The following NEMP2 variants were observed in gnomAD, a reference collection of about 807,000 sequenced individuals.
The protein encoded by NEMP2 is nuclear envelope integral membrane protein 2.
A neutral mutation model predicts 54.2 loss-of-function variants in NEMP2; 53 were observed. That is an observed-to-expected ratio of 0.98 (90% confidence interval 0.78 to 1.23). The LOEUF (loss-of-function observed/expected upper bound fraction) is 1.23, where lower values mean the gene tolerates loss of function less well. Among genes scored for constraint, NEMP2 ranks in the 50% most tolerant of loss-of-function variants. The pLI is 0.00. For missense variants in NEMP2, 455 were observed against 511.3 expected (o/e 0.89, Z 1.06); for synonymous variants, 197 against 190.3 (o/e 1.04, Z -0.29).
the NEMP2 span, among the ~76,000 whole-genome samples, chr2:190,621,312 T>C: frequency 2.0e-5 from 3 of 152,256 alleles, no homozygotes; most frequent in African/African-American, 7.2e-5. Flanking sequence ...TGTTACTGCA[T>C]TGAATACTGT....
chr2:190,621,597 G>GT, the NEMP2 span, among the ~76,000 whole-genome samples: 1,259 of 143,818 alleles, frequency 8.8e-3, 6 homozygotes, highest in African/African-American at 0.018. Context: ...CTGTCTTTGG[G>GT]TTTTTTTTTT....
the NEMP2 span, chr2:190,609,731 A>G: frequency 6.6e-6 from 1 of 152,116 alleles, no homozygotes; most frequent in African/African-American, 2.4e-5. The surrounding 1 kb of genome is among the most constrained non-coding windows in gnomAD (Gnocchi z 4.7). Flanking sequence ...TCATGCTTGT[A>G]TATTTATTTA....
chr2:190,523,560 GATGA>G lies in NEMP2; in HGVS notation c.213+1699_213+1702del, dbSNP rs1263844852. ...CGTGTGTATGTGTTTGTACACACAT[GATGA>G]TATGCTAGTAGCAATGAACACACCT... is the stretch of plus-strand genomic sequence containing the variant. On this transcript the variant is annotated intron_variant, in intron 2 of 8. Coordinates refer to ENST00000409150, the MANE Select transcript of NEMP2 (RefSeq NM_001142645.2). This position sits in a 1 kb window ranked among gnomAD's most constrained non-coding sequence, Gnocchi z 5.3. 1.2e-4 allele frequency among the ~76,000 whole-genome samples: 19 copies of G among 152,164 alleles called. No individual in the cohort carries two copies. Among genetic ancestry groups the G allele is most frequent in the African/African-American group, 4.6e-4 (19 of 41,426 alleles).
At chr2:190,465,487 C>T in the NEMP2 span, among the ~76,000 whole-genome samples, 1 of 151,764 alleles carries the variant, frequency 6.6e-6, no homozygotes, top group African/African-American at 2.4e-5. This position sits in a 1 kb window ranked among gnomAD's most constrained non-coding sequence, Gnocchi z 4.6. Context: ...GATTATACAT[C>T]AGTAATCTTA....
the NEMP2 span, among the ~76,000 whole-genome samples, chr2:190,496,841 A>G: frequency 4.3e-4 from 66 of 152,360 alleles, no homozygotes; most frequent in Admixed American, 9.8e-4. This position sits in a 1 kb window ranked among gnomAD's most constrained non-coding sequence, Gnocchi z 4.7. Context: ...ATTCTCACTC[A>G]TAAGTGGGAG....
chr2:190,473,542 C>A, the NEMP2 span, among the ~76,000 whole-genome samples: 4 of 152,234 alleles, frequency 2.6e-5, no homozygotes, highest in South Asian at 4.1e-4. Context: ...TATATATGCA[C>A]CCAATACAGG....
chr2:190,622,199 TCAAGACCAGCTGGGCAACATAG>T, the NEMP2 span, among the ~76,000 whole-genome samples: 1 of 152,044 alleles, frequency 6.6e-6, no homozygotes, highest in East Asian at 1.9e-4. Flanking sequence ...AGCCAGGAAT[TCAAGACCAGCTGGGCAACATAG>T]CAAGATCCTG....
At chr2:190,453,001 C>G in the NEMP2 span, among the ~76,000 whole-genome samples, 7 of 152,080 alleles carry the variant, frequency 4.6e-5, no homozygotes, top group Admixed American at 3.3e-4. Context: ...AGTGATTGTT[C>G]TAGGGTTGCA....
At chr2:190,580,023 T>C in the NEMP2 span, among the ~76,000 whole-genome samples, 1 of 152,212 alleles carries the variant, frequency 6.6e-6, no homozygotes, top group African/African-American at 2.4e-5. This position sits in a 1 kb window ranked among gnomAD's most constrained non-coding sequence, Gnocchi z 5.3. Flanking sequence ...TGAGTCTTAG[T>C]GTTCTCATTC....
chr2:190,578,601 A>G, the NEMP2 span, among the ~76,000 whole-genome samples: 12 of 152,262 alleles, frequency 7.9e-5, no homozygotes, highest in African/African-American at 2.6e-4. The surrounding 1 kb of genome is among the most constrained non-coding windows in gnomAD (Gnocchi z 4.4). Flanking sequence ...GAGAAGACTG[A>G]GGGCATGAGA....
the NEMP2 span, among the ~76,000 whole-genome samples, chr2:190,637,170 T>C: frequency 6.6e-6 from 1 of 152,216 alleles, no homozygotes; most frequent in Non-Finnish European, 1.5e-5. This position sits in a 1 kb window ranked among gnomAD's most constrained non-coding sequence, Gnocchi z 4.5. Context: ...TTGAGAAGTA[T>C]AGTGTACAGT....
Position 190,517,589 on chromosome 2 carries a change from C to T in NEMP2, c.543G>A (p.Ser181=), listed in dbSNP as rs576233771. Residue 181 remains serine (S), a synonymous_variant, in exon 5 of 9, where the codon TCG becomes TCA. Transcript: ENST00000409150. ...LSQSPTFYYS[S]GTVLGVLMTL... is the part of the protein sequence containing the mutation. ...TCATTAGAACACCTAGCACAGTTCC[C>T]GAGGAGTAATAGAAAGTAGGGCTTC... 7.7e-5 allele frequency: 119 copies of T among 1,548,832 alleles called. No homozygotes were observed. Among genetic ancestry groups the T allele is most frequent in the Non-Finnish European group, 9.5e-5 (109 of 1,145,982 alleles).
rs1462442868 is a variant in NEMP2 at position 190,517,543 on chromosome 2, A to G, written c.589T>C (p.Leu197=). ...ACCTTCGGAATGAATCTTTTCACCAACAGCAAGACAAAGACTAATGTCATT... is the reference window on the plus strand; with the variant it reads ...ACCTTCGGAATGAATCTTTTCACCAGCAGCAAGACAAAGACTAATGTCATT... The part of the protein sequence containing the change: ...VLMTLVFVLL[L]VKRFIPKYST... Residue 197 remains leucine (L), a synonymous_variant, in exon 5 of 9, where the codon TTG becomes CTG. Transcript: ENST00000409150. 6.5e-7 allele frequency: 1 copy of G among 1,550,034 alleles called. No individual in the cohort carries two copies. Among genetic ancestry groups the G allele is most frequent in the Non-Finnish European group, 8.7e-7 (1 of 1,146,396 alleles).
At chr2:190,568,226 A>C in the NEMP2 span, 2 of 152,238 alleles carry the variant, frequency 1.3e-5, no homozygotes, top group South Asian at 4.1e-4. This position sits in a 1 kb window ranked among gnomAD's most constrained non-coding sequence, Gnocchi z 4.7. Flanking sequence ...GCAGCTCTGC[A>C]GGAAACCTGG....
the NEMP2 span, among the ~76,000 whole-genome samples, chr2:190,447,671 T>A: frequency 6.6e-6 from 1 of 152,192 alleles, no homozygotes; most frequent in Non-Finnish European, 1.5e-5. This position sits in a 1 kb window ranked among gnomAD's most constrained non-coding sequence, Gnocchi z 4.5. Context: ...GTGGGTAGAT[T>A]TCTATTTTCC....
the NEMP2 span, among the ~76,000 whole-genome samples, chr2:190,587,329 C>T: frequency 2.0e-5 from 3 of 152,130 alleles, no homozygotes; most frequent in African/African-American, 2.4e-5. This position sits in a 1 kb window ranked among gnomAD's most constrained non-coding sequence, Gnocchi z 5.4. Context: ...TCCTGTAACC[C>T]AAGCTGCTGC....
At chr2:190,593,375 C>T in the NEMP2 span, among the ~76,000 whole-genome samples, 100 of 152,270 alleles carry the variant, frequency 6.6e-4, no homozygotes, top group African/African-American at 1.9e-3. The surrounding 1 kb of genome is among the most constrained non-coding windows in gnomAD (Gnocchi z 4.5). Flanking sequence ...GGGCTCTGTC[C>T]CATGCGGTCA....
At chr2:190,592,119 C>A in the NEMP2 span, among the ~76,000 whole-genome samples, 1 of 152,244 alleles carries the variant, frequency 6.6e-6, no homozygotes, top group East Asian at 1.9e-4. This position sits in a 1 kb window ranked among gnomAD's most constrained non-coding sequence, Gnocchi z 4.4. Flanking sequence ...ACCCCTCCCC[C>A]AGAGGTGCAG....
the NEMP2 span, among the ~76,000 whole-genome samples, chr2:190,451,028 G>C: frequency 1.3e-5 from 2 of 152,192 alleles, no homozygotes; most frequent in East Asian, 3.8e-4. This position sits in a 1 kb window ranked among gnomAD's most constrained non-coding sequence, Gnocchi z 5.0. Flanking sequence ...AATGAGAAGA[G>C]AGCAAGTTGG....
Sources: allele counts gnomAD v4.1 joint callset (sites outside exome capture counted in the v4.1 genomes callset), GRCh38; gene constraint gnomAD v4.1.1; non-coding constraint Gnocchi (gnomAD v3.1); transcripts MANE v1.5; gene names NCBI Gene and HGNC (gene_info 2026-07-23, HGNC 2026-07-21).